The following FBN2 variants were observed in gnomAD, a reference collection of about 807,000 sequenced individuals.
FBN2 encodes the protein fibrillin 2.
FBN2 carries 105 observed loss-of-function variants against 355.6 expected under a neutral mutation model. The observed-to-expected ratio is 0.30, with a 90% CI of 0.25 to 0.35. The LOEUF (loss-of-function observed/expected upper bound fraction) is 0.35. Among genes scored for constraint, FBN2 ranks in the 10% least tolerant of loss-of-function variants. The pLI is 1.00. For synonymous variants in FBN2, 1,350 were observed against 1,301.2 expected, an observed-to-expected ratio of 1.04 and a Z score of -0.81; for missense variants, 3,280 against 3,758.7, an observed-to-expected ratio of 0.87 and a Z score of 3.33.
intron 8 of FBN2, among the ~76,000 whole-genome samples, chr5:128,407,811 G>A (rs536516443): frequency 6.6e-6 from 1 of 152,174 alleles, no homozygotes; most frequent in South Asian, 2.1e-4. Flanking sequence ...GAATCATCAG[G>A]GAATCATCAA....
intron 8 of FBN2, among the ~76,000 whole-genome samples, chr5:128,405,710 T>C (rs984853360): frequency 6.6e-6 from 1 of 152,192 alleles, no homozygotes; most frequent in African/African-American, 2.4e-5. Context: ...CAATTCTACC[T>C]CATAACTAGT....
At chr5:128,531,873 G>GA (rs546196572) in intron 2 of FBN2, among the ~76,000 whole-genome samples, 53 of 150,380 alleles carry the variant, frequency 3.5e-4, no homozygotes, top group African/African-American at 1.2e-3. Flanking sequence ...TTGCAATAAG[G>GA]AAAAAAAAAT....
Position 128,393,155 on chromosome 5 carries a change from C to A in FBN2, c.1445G>T (p.Gly482Val). ...CTTACTTAGTCCAGTGATGATAGGTCCCTGTCCCCCGGCCCCCACACCGGC... is the reference window on the plus strand; with the variant it reads ...CTTACTTAGTCCAGTGATGATAGGTACCTGTCCCCCGGCCCCCACACCGGC... ...GGAGVGAGGQ[G>V]PIITGLTILN... Residue 482 changes from glycine (G) to valine (V), a missense_variant, in exon 10 of 65, where the codon GGA becomes GTA. Gly to Val is a moderately radical substitution (Grantham distance 109). Around this residue, in one of 6 missense-constraint regions of FBN2, gnomAD observed 343 missense variants for 331.0 expected, o/e 1.04. Coordinates refer to ENST00000262464, the MANE Select transcript of FBN2 (RefSeq NM_001999.4). 1.2e-6 allele frequency: 2 copies of A among 1,613,906 alleles called. No individual in the cohort carries two copies. Among genetic ancestry groups the A allele is most frequent in the Admixed American group, 1.7e-5 (1 of 60,018 alleles).
intron 20 of FBN2, among the ~76,000 whole-genome samples, chr5:128,351,372 C>A (rs1356804059): frequency 1.3e-5 from 2 of 152,026 alleles, no homozygotes; most frequent in African/African-American, 2.4e-5. Flanking sequence ...CATGGTGAAA[C>A]CCCGTCTCTA....
intron 7 of FBN2, among the ~76,000 whole-genome samples, chr5:128,436,680 A>G (rs1267365285): frequency 1.3e-5 from 2 of 151,348 alleles, no homozygotes; most frequent in Non-Finnish European, 2.9e-5. Flanking sequence ...AAAAAAAAAA[A>G]AGAAAAAAAA....
chr5:128,504,352 G>A (rs1311596666), intron 5 of FBN2, among the ~76,000 whole-genome samples: 1 of 152,094 alleles, frequency 6.6e-6, no homozygotes, highest in Non-Finnish European at 1.5e-5. Flanking sequence ...CAGAATGGTA[G>A]ATTCACCAAC....
At chr5:128,362,681 T>C (rs1751668816) in intron 18 of FBN2, among the ~76,000 whole-genome samples, 1 of 152,186 alleles carries the variant, frequency 6.6e-6, no homozygotes, top group Admixed American at 6.5e-5. Context: ...CCCAGGCTGT[T>C]CTGGAACTTC....
chr5:128,263,035 A>G (rs1201326244), intron 63 of FBN2, among the ~76,000 whole-genome samples: 2 of 152,344 alleles, frequency 1.3e-5, no homozygotes, highest in East Asian at 1.9e-4. Context: ...AGCACCTTCC[A>G]GAATTTGTAG....
intron 7 of FBN2, among the ~76,000 whole-genome samples, chr5:128,425,059 G>T (rs1348951105): frequency 6.6e-6 from 1 of 150,948 alleles, no homozygotes; most frequent in African/African-American, 2.4e-5. Flanking sequence ...TTTTTCGGGG[G>T]GAGGTAATTT....
At chr5:128,412,146 G>T (rs971032351) in intron 7 of FBN2, among the ~76,000 whole-genome samples, 3 of 152,094 alleles carry the variant, frequency 2.0e-5, no homozygotes, top group African/African-American at 7.2e-5. Flanking sequence ...GCAAATATCA[G>T]AAAAACTGAT....
At position 128,301,449 on chromosome 5, in the gene FBN2, T is replaced by G; in HGVS notation, c.5979A>C (p.Glu1993Asp). The change falls in exon 47 of 65, where the codon GAA becomes GAC. Residue 1993 changes from glutamate to aspartate, a missense_variant. Around this residue, in one of 6 missense-constraint regions of FBN2, gnomAD observed 2,284 missense variants for 2,749.5 expected, o/e 0.83. Transcript: ENST00000262464. ...QVCRNGRCFN[E>D]IGSFKCLCNE... Reference sequence around the variant, plus strand: ...TACATAGACACTTGAAAGAACCAATTTCATTAAAACAACGTCCATTTCTGC... The same window carrying G: ...TACATAGACACTTGAAAGAACCAATGTCATTAAAACAACGTCCATTTCTGC... 1 of 1,613,582 alleles carries G rather than the reference T, an allele frequency of 6.2e-7. No homozygotes were observed. Among genetic ancestry groups the G allele is most frequent in the Non-Finnish European group, 8.5e-7 (1 of 1,179,686 alleles).
intron 61 of FBN2, among the ~76,000 whole-genome samples, chr5:128,272,349 C>T (rs545209748): frequency 2.0e-5 from 3 of 151,908 alleles, no homozygotes; most frequent in South Asian, 2.1e-4. Context: ...CACCAGACCA[C>T]GGCATGTCAG....
intron 11 of FBN2, among the ~76,000 whole-genome samples, chr5:128,381,353 A>G (rs902063765): frequency 3.3e-5 from 5 of 152,084 alleles, no homozygotes; most frequent in African/African-American, 1.2e-4. Context: ...ATCCTTTAAT[A>G]AATCTATTGC....
At chr5:128,467,993 G>A (rs962252680) in intron 5 of FBN2, among the ~76,000 whole-genome samples, 1 of 152,134 alleles carries the variant, frequency 6.6e-6, no homozygotes, top group Non-Finnish European at 1.5e-5. Context: ...TAATTCGCCT[G>A]TTTTAAGTGT....
In FBN2 at chr5:128,378,763, T is replaced by G. The variant is rs779903692; in HGVS notation, c.1723+8A>C. 1 of 1,612,862 alleles carries G rather than the reference T, an allele frequency of 6.2e-7. No homozygotes were observed. The highest frequency in any genetic ancestry group is 8.5e-7 in the Non-Finnish European group (1 of 1,179,188). On this transcript the variant is annotated splice_region_variant and intron_variant, in intron 12 of 64. Coordinates refer to ENST00000262464, the MANE Select transcript of FBN2 (RefSeq NM_001999.4). The stretch of plus-strand genomic sequence containing the variant: ...AACATTTTCATATGTGAAAGCAAAC[T>G]GCCTTACCAATGCATGCTTGCTTGG...
chr5:128,280,170 A>C (rs1259668542), intron 56 of FBN2, 22 bp downstream of exon 56: 1 of 1,593,514 alleles, frequency 6.3e-7, no homozygotes, highest in South Asian at 1.1e-5. Flanking sequence ...ACCAAGTATA[A>C]TATATTTGGA....
Position 128,287,353 on chromosome 5 carries a change from A to T in FBN2, c.6835T>A (p.Cys2279Ser). The T allele has an allele frequency of 6.2e-7, 1 of 1,614,056 alleles. No homozygotes were observed. Among genetic ancestry groups the T allele is most frequent in the Non-Finnish European group, 8.5e-7 (1 of 1,179,952 alleles). Residue 2279 changes from cysteine (C) to serine (S), a missense_variant, in exon 54 of 65, where the codon TGC (cysteine) becomes AGC (serine). By Grantham distance (112) the Cys-to-Ser change is moderately radical. Around this residue, in one of 6 missense-constraint regions of FBN2, gnomAD observed 2,284 missense variants for 2,749.5 expected, o/e 0.83. Coordinates refer to ENST00000262464, the MANE Select transcript of FBN2 (RefSeq NM_001999.4). ...TCCCTGAGGGCATAGCCAATCGGGC[A>T]CGTGCATTCATAGGACCCAAAAGTG... ...MNTFGSYECTCPIGYALREDQ... is the reference protein window; with the variant it reads ...MNTFGSYECTSPIGYALREDQ...
chr5:128,490,410 T>C (rs912242078), intron 5 of FBN2, among the ~76,000 whole-genome samples: 4 of 152,148 alleles, frequency 2.6e-5, no homozygotes, highest in Admixed American at 6.5e-5. Context: ...ACAAAGATAA[T>C]TGAATCATAA....
At position 128,460,909 on chromosome 5, in the gene FBN2, AACC is replaced by A. The variant is rs531703487; in HGVS notation, c.826+3812_826+3814del. ...CAAAACCAAAATAACCCTAGAAGAA[AACC>A]TAAGTAATACCATTCAGGACATAGG... On this transcript the variant is annotated intron_variant, in intron 6 of 64. Transcript: ENST00000262464. 2.8e-4 allele frequency among the ~76,000 whole-genome samples: 42 copies of A among 152,280 alleles called. No homozygotes were observed. The East Asian group carries it at 7.9e-3, about 29-fold the overall frequency.
Sources: gnomAD v4.1 joint callset for allele counts (sites outside exome capture counted in the v4.1 genomes callset) on GRCh38, gnomAD v4.1.1 for gene constraint, gnomAD v4.1.1 regional missense constraint, MANE v1.5 for transcripts, NCBI Gene and HGNC (gene_info 2026-07-23, HGNC 2026-07-21) for gene names.